Variants in SNX14 observed in about 807,000 individuals in gnomAD.
SNX14 encodes the protein sorting nexin 14.
A neutral mutation model predicts 133.8 loss-of-function variants in SNX14; 93 were observed. The observed-to-expected ratio is 0.70, with a 90% CI of 0.59 to 0.83. The LOEUF is 0.83. Among genes scored for constraint, SNX14 ranks in the 40% least tolerant of loss-of-function variants. The pLI, the probability that SNX14 is intolerant of heterozygous loss-of-function variation, is 0.00. For synonymous variants in SNX14, 368 were observed against 365.6 expected (o/e 1.01, Z -0.07); for missense variants, 945 against 1,094.9 (o/e 0.86, Z 1.93).
intron 20 of SNX14, 68 bp downstream of exon 20, chr6:85,528,194 A>G: frequency 9.2e-7 from 1 of 1,087,658 alleles, no homozygotes; most frequent in Non-Finnish European, 1.4e-6. Flanking sequence ...TATACACAAG[A>G]GAAAAAGAGA....
intron 7 of SNX14, among the ~76,000 whole-genome samples, chr6:85,552,899 C>T (rs1788317839): frequency 6.6e-6 from 1 of 152,224 alleles, no homozygotes. Flanking sequence ...TTAACCAATG[C>T]AAACCAAAGA....
chr6:85,543,170 A>G lies in SNX14; in HGVS notation c.1389+12T>C. 6.6e-7 allele frequency: 1 copy of G among 1,526,250 alleles called. No individual in the cohort carries two copies. The highest frequency in any genetic ancestry group is 2.4e-5 in the East Asian group (1 of 41,760). 94.5% of individuals were successfully genotyped at this position (1,526,250 alleles called of 1,614,324 possible). On this transcript the variant is annotated intron_variant, in intron 14 of 28. Transcript: ENST00000314673. Reference sequence around the variant, plus strand: ...ATAAAAATCCTCAAACAAGGTTAATATTTTGACTTACCTCATCACTATGGC... The same window carrying G: ...ATAAAAATCCTCAAACAAGGTTAATGTTTTGACTTACCTCATCACTATGGC...
intron 7 of SNX14, among the ~76,000 whole-genome samples, chr6:85,554,299 C>CATAT (rs1788881767): frequency 1.3e-5 from 2 of 151,460 alleles, no homozygotes; most frequent in East Asian, 3.9e-4. Context: ...ATTTCATATA[C>CATAT]ACACATGTGT....
chr6:85,533,760 A>G lies in SNX14; in HGVS notation c.1649T>C (p.Val550Ala). The G allele has an allele frequency of 1.2e-6, 2 of 1,613,840 alleles. No homozygotes were observed. Among genetic ancestry groups the G allele is most frequent in the Non-Finnish European group, 1.7e-6 (2 of 1,179,988 alleles). ...AGTATTAGGTGTGCTCACAGCCTCC[A>G]CTGGAGAATCATCTTCCATTACAAC... ...GIVVMEDDSP[V>A]EAVSTPNTPR... Residue 550 changes from valine to alanine, a missense_variant, in exon 18 of 29, where the codon GTG becomes GCG. Transcript: ENST00000314673.
chr6:85,544,003 T>G (rs1050329856), intron 12 of SNX14, among the ~76,000 whole-genome samples: 7 of 152,112 alleles, frequency 4.6e-5, no homozygotes, highest in African/African-American at 1.7e-4. Flanking sequence ...CAAATTTTGC[T>G]AAAATTCAAA....
chr6:85,536,696 G>T, intron 17 of SNX14, 96 bp downstream of exon 17: 2 of 1,205,052 alleles, frequency 1.7e-6, no homozygotes, highest in Non-Finnish European at 2.3e-6. Flanking sequence ...AGAATACACA[G>T]ATTCTCCAAA....
At chr6:85,523,747 A>G (rs1194981664) in intron 21 of SNX14, among the ~76,000 whole-genome samples, 2 of 152,084 alleles carry the variant, frequency 1.3e-5, no homozygotes, top group East Asian at 3.9e-4. Flanking sequence ...CCTGGGTGAC[A>G]GAGAGACTCC....
At chr6:85,511,020 G>C (rs1026973242) in intron 26 of SNX14, among the ~76,000 whole-genome samples, 1 of 152,060 alleles carries the variant, frequency 6.6e-6, no homozygotes, top group African/African-American at 2.4e-5. Flanking sequence ...TCAGAAGAAC[G>C]GACATCTTGA....
chr6:85,586,030 G>T (rs1800733440), intron 1 of SNX14, among the ~76,000 whole-genome samples: 1 of 146,666 alleles, frequency 6.8e-6, no homozygotes, highest in African/African-American at 2.5e-5. Context: ...TGAGCCTATA[G>T]ATCAAACACT....
intron 21 of SNX14, among the ~76,000 whole-genome samples, chr6:85,525,074 A>G (rs1234904551): frequency 6.6e-6 from 1 of 152,212 alleles, no homozygotes; most frequent in Non-Finnish European, 1.5e-5. Flanking sequence ...CAAAAGTGAT[A>G]GCTGAAATTA....
intron 20 of SNX14, among the ~76,000 whole-genome samples, chr6:85,526,450 T>C (rs1374624960): frequency 6.6e-6 from 1 of 152,218 alleles, no homozygotes; most frequent in Admixed American, 6.5e-5. Context: ...ATCCTGGCTC[T>C]TCCACATGCT....
intron 7 of SNX14, among the ~76,000 whole-genome samples, chr6:85,554,553 A>G (rs892872644): frequency 6.6e-6 from 1 of 152,146 alleles, no homozygotes; most frequent in Non-Finnish European, 1.5e-5. Context: ...AACTTTTTTT[A>G]TAAGTCTAAT....
At chr6:85,537,507 T>C (rs1405020547) in intron 16 of SNX14, among the ~76,000 whole-genome samples, 3 of 152,244 alleles carry the variant, frequency 2.0e-5, no homozygotes, top group Non-Finnish European at 2.9e-5. Flanking sequence ...ATATTAAATG[T>C]TGGTTTTGCC....
chr6:85,546,242 T>G (rs1453809177), intron 12 of SNX14, among the ~76,000 whole-genome samples: 1 of 152,248 alleles, frequency 6.6e-6, no homozygotes, highest in Non-Finnish European at 1.5e-5. Flanking sequence ...TTGATAAAGA[T>G]GCAGGTTACG....
chr6:85,545,248 C>G (rs949599017), intron 12 of SNX14, among the ~76,000 whole-genome samples: 3 of 151,944 alleles, frequency 2.0e-5, no homozygotes, highest in African/African-American at 7.3e-5. Flanking sequence ...AAAAGAAAGG[C>G]AAAGAATATA....
At chr6:85,519,090 C>G (rs1212761134) in intron 21 of SNX14, among the ~76,000 whole-genome samples, 1 of 152,178 alleles carries the variant, frequency 6.6e-6, no homozygotes, top group Non-Finnish European at 1.5e-5. Context: ...CATCCCTGAT[C>G]ATTTCTTCTT....
At chr6:85,517,608 C>T in intron 23 of SNX14, 148 bp downstream of exon 23, 1 of 885,898 alleles carries the variant, frequency 1.1e-6, no homozygotes. Flanking sequence ...ACAATACCCT[C>T]TGTATACCGT....
At chr6:85,579,035 G>A (rs981998828) in intron 1 of SNX14, among the ~76,000 whole-genome samples, 1 of 152,058 alleles carries the variant, frequency 6.6e-6, no homozygotes, top group Non-Finnish European at 1.5e-5. Flanking sequence ...CTACTCAGGA[G>A]GCTGAGGCAG....
intron 5 of SNX14, among the ~76,000 whole-genome samples, chr6:85,567,135 A>G (rs17441060): frequency 0.016 from 2,443 of 152,354 alleles, 28 homozygotes; most frequent in Middle Eastern, 0.027. Flanking sequence ...TTTAGGAGTG[A>G]TAAGGAATTC....
Sources: allele counts gnomAD v4.1 joint callset (sites outside exome capture counted in the v4.1 genomes callset), GRCh38; gene constraint gnomAD v4.1.1; transcripts MANE v1.5; gene names NCBI Gene and HGNC (gene_info 2026-07-23, HGNC 2026-07-21).